Variants in INSC observed in about 807,000 individuals in gnomAD.
The protein encoded by INSC is protein inscuteable homolog.
A neutral mutation model predicts 58.6 loss-of-function variants in INSC; 67 were observed. The ratio of observed to expected loss-of-function variants is 1.14; its 90% confidence interval spans 0.94 to 1.40. INSC has a LOEUF of 1.40. Ranked by LOEUF, INSC falls within the 40% of genes most tolerant of loss-of-function variation. INSC has a pLI of 0.00. For synonymous variants in INSC, 262 were observed against 276.1 expected (o/e 0.95, Z 0.51); for missense variants, 714 against 692.0 (o/e 1.03, Z -0.36).
At chr11:15,256,495 T>G in the INSC span, among the ~76,000 whole-genome samples, 1 of 151,684 alleles carries the variant, frequency 6.6e-6, no homozygotes. Context: ...CATTTCATTT[T>G]TTTTTTTTTT....
intron 2 of INSC, among the ~76,000 whole-genome samples, chr11:15,173,558 C>T (rs1380484124): frequency 6.6e-6 from 1 of 151,756 alleles, no homozygotes; most frequent in Admixed American, 6.6e-5. Context: ...CAGTAGGGTG[C>T]TGTGATTTTT....
At chr11:15,124,511 G>T (rs1387599092) in intron 1 of INSC, among the ~76,000 whole-genome samples, 5 of 152,166 alleles carry the variant, frequency 3.3e-5, no homozygotes, top group Middle Eastern at 3.2e-3. Flanking sequence ...CTCCCCATGA[G>T]CCCTATGGTG....
At chr11:15,147,716 G>A (rs1476637925) in intron 1 of INSC, among the ~76,000 whole-genome samples, 2 of 152,194 alleles carry the variant, frequency 1.3e-5, no homozygotes, top group Non-Finnish European at 2.9e-5. Flanking sequence ...CACAGACCAA[G>A]AAACAGGCAA....
chr11:15,126,685 A>G lies in INSC; in HGVS notation c.-46+11682A>G, dbSNP rs551136364. ...TGGAGGAATTTCTATGTTTTATTTA[A>G]TTATTCATTTACATATCTCTTTCAA... On this transcript the variant is annotated intron_variant, in intron 1 of 12. Coordinates refer to ENST00000379556, the MANE Select transcript of INSC (RefSeq NM_001042536.3). Among the ~76,000 whole-genome samples the G allele has an allele frequency of 7.2e-5, 11 of 152,316 alleles. No homozygotes were observed. In the East Asian group the frequency reaches 1.7e-3, roughly 24 times the overall value.
At chr11:15,263,193 T>C in the INSC span, among the ~76,000 whole-genome samples, 4 of 152,218 alleles carry the variant, frequency 2.6e-5, no homozygotes, top group South Asian at 4.1e-4. Context: ...GTGGGCAATA[T>C]AGAAGAAAGA....
At chr11:15,158,273 A>G (rs1188123808) in intron 2 of INSC, among the ~76,000 whole-genome samples, 2 of 150,860 alleles carry the variant, frequency 1.3e-5, no homozygotes, top group Non-Finnish European at 3.0e-5. Flanking sequence ...TTAAATCTAC[A>G]TCCCTGATCA....
intron 1 of INSC, among the ~76,000 whole-genome samples, chr11:15,129,747 T>C (rs1369092844): frequency 6.6e-6 from 1 of 152,224 alleles, no homozygotes; most frequent in Admixed American, 6.5e-5. Context: ...AAACCTTATA[T>C]CAATTAAAAT....
At chr11:15,219,722 C>T (rs577613120) in intron 7 of INSC, among the ~76,000 whole-genome samples, 80 of 152,272 alleles carry the variant, frequency 5.3e-4, no homozygotes, top group African/African-American at 1.5e-3. Flanking sequence ...ATTAAGGAGA[C>T]GGGATTGATT....
At chr11:15,211,486 T>G (rs1274145675) in intron 7 of INSC, among the ~76,000 whole-genome samples, 5 of 152,192 alleles carry the variant, frequency 3.3e-5, no homozygotes, top group Admixed American at 3.3e-4. Flanking sequence ...TGTGGTAGGT[T>G]TTTTTATTCT....
chr11:15,178,898 A>T (rs535193987), intron 5 of INSC, among the ~76,000 whole-genome samples: 2 of 152,324 alleles, frequency 1.3e-5, no homozygotes, highest in East Asian at 3.9e-4. Context: ...CTGTTGAGTT[A>T]ATGTTCACAG....
the INSC span, among the ~76,000 whole-genome samples, chr11:15,269,333 C>A: frequency 6.6e-6 from 1 of 151,896 alleles, no homozygotes; most frequent in African/African-American, 2.4e-5. Context: ...TCTACATGTT[C>A]CAAGACTCTT....
At position 15,217,878 on chromosome 11, in the gene INSC, C is replaced by A. The variant is rs76536380; in HGVS notation, c.820-3599C>A. Among the ~76,000 whole-genome samples the A allele has an allele frequency of 6.0e-3, 912 of 152,200 alleles. 11 individuals carry two copies. Among genetic ancestry groups the A allele is most frequent in the African/African-American group, 0.02 (816 of 41,518 alleles). ...AATTGGCAAAAAATTTAAAAATCTG[C>A]CAATAGCAAGTATTGGCAAGAATCT... On this transcript the variant is annotated intron_variant, in intron 7 of 12. Transcript: ENST00000379556.
chr11:15,114,431 A>G (rs144664855), upstream of INSC, among the ~76,000 whole-genome samples: 4 of 152,284 alleles, frequency 2.6e-5, no homozygotes, highest in Non-Finnish European at 5.9e-5. Context: ...TTTGGGGTCT[A>G]TCAAAGCTGG....
intron 2 of INSC, among the ~76,000 whole-genome samples, chr11:15,159,049 C>T (rs922334051): frequency 6.6e-6 from 1 of 152,126 alleles, no homozygotes; most frequent in African/African-American, 2.4e-5. Context: ...GGACTTGAGA[C>T]AGGCAACTTC....
upstream of INSC, among the ~76,000 whole-genome samples, chr11:15,113,125 C>CTTTT (rs1847609057): frequency 8.4e-6 from 1 of 119,154 alleles, no homozygotes; most frequent in African/African-American, 3.0e-5. Flanking sequence ...CTCTCTCTTT[C>CTTTT]TTTCTTTCTT....
At chr11:15,130,707 G>A (rs941725826) in intron 1 of INSC, among the ~76,000 whole-genome samples, 1 of 151,978 alleles carries the variant, frequency 6.6e-6, no homozygotes, top group Admixed American at 6.6e-5. Flanking sequence ...TTTTCCTTAC[G>A]GGAAGATTTT....
At chr11:15,127,562 G>A (rs1214687177) in intron 1 of INSC, among the ~76,000 whole-genome samples, 1 of 152,200 alleles carries the variant, frequency 6.6e-6, no homozygotes, top group Non-Finnish European at 1.5e-5. Context: ...CTGTATACTT[G>A]GCAGAGGGCT....
At chr11:15,219,465 A>G (rs1851354102) in intron 7 of INSC, among the ~76,000 whole-genome samples, 1 of 152,094 alleles carries the variant, frequency 6.6e-6, no homozygotes, top group Non-Finnish European at 1.5e-5. Context: ...CTTGGCATGC[A>G]GTATATGTCA....
At chr11:15,199,502 C>T (rs1850496231) in intron 6 of INSC, among the ~76,000 whole-genome samples, 1 of 152,188 alleles carries the variant, frequency 6.6e-6, no homozygotes, top group Admixed American at 6.5e-5. Flanking sequence ...GCTTCTTCTT[C>T]CAATTGCCCA....
Sources: gnomAD v4.1 joint callset for allele counts (sites outside exome capture counted in the v4.1 genomes callset) on GRCh38, gnomAD v4.1.1 for gene constraint, MANE v1.5 for transcripts, NCBI Gene and HGNC (gene_info 2026-07-23, HGNC 2026-07-21) for gene names.